Variants in DOCK2 observed in about 807,000 individuals in gnomAD.
DOCK2 encodes dedicator of cytokinesis protein 2.
Under a neutral mutation model 248.9 loss-of-function variants are expected in DOCK2, and 87 were observed. The observed-to-expected ratio is 0.35, with a 90% CI of 0.29 to 0.42. DOCK2 has a LOEUF of 0.42. Ranked by LOEUF, DOCK2 falls within the 10% of genes least tolerant of loss-of-function variation. The probability of loss-of-function intolerance (pLI) is 1.00; values close to 1 mark genes in which losing one functional copy is unlikely to be tolerated. For missense variants in DOCK2, 1,747 were observed against 2,300.2 expected, an observed-to-expected ratio of 0.76 and a Z score of 4.92; for synonymous variants, 805 against 821.6, an observed-to-expected ratio of 0.98 and a Z score of 0.35.
intron 27 of DOCK2, chr5:169,883,291 T>G: frequency 6.4e-7 from 1 of 1,551,632 alleles, no homozygotes; most frequent in Middle Eastern, 1.7e-4. Flanking sequence ...ATCTGGAACC[T>G]GAATGGCAGC....
chr5:169,681,400 A>G (rs1411349514), intron 6 of DOCK2, among the ~76,000 whole-genome samples: 1 of 150,774 alleles, frequency 6.6e-6, no homozygotes, highest in African/African-American at 2.4e-5. Context: ...CTGGGATTAC[A>G]GGCGTGAGTC....
chr5:169,748,780 A>T (rs928313336), intron 23 of DOCK2, among the ~76,000 whole-genome samples: 1 of 152,220 alleles, frequency 6.6e-6, no homozygotes, highest in East Asian at 1.9e-4. Context: ...GATGAGATAG[A>T]GGAGGAAGAG....
At chr5:169,804,437 A>AGTGTGTGTGTGTGT (rs55660700) in intron 26 of DOCK2, among the ~76,000 whole-genome samples, 1 of 134,574 alleles carries the variant, frequency 7.4e-6, no homozygotes, top group Non-Finnish European at 1.6e-5. Context: ...AGAGCTACAA[A>AGTGTGTGTGTGTGT]GTGTGTGTGT....
At chr5:169,954,844 G>T (rs1042881863) in intron 27 of DOCK2, among the ~76,000 whole-genome samples, 1 of 152,240 alleles carries the variant, frequency 6.6e-6, no homozygotes, top group Non-Finnish European at 1.5e-5. Context: ...GGCTGCAAGT[G>T]TGTGTAACCC....
chr5:169,803,217 C>A lies in DOCK2; in HGVS notation c.2703+11C>A, dbSNP rs756123426. 1 of 1,611,300 alleles carries A rather than the reference C, an allele frequency of 6.2e-7. No individual in the cohort carries two copies. Among genetic ancestry groups the A allele is most frequent in the East Asian group, 2.2e-5 (1 of 44,840 alleles). On this transcript the variant is annotated intron_variant, in intron 26 of 51. Transcript: ENST00000520908. ...AGCTACCAGGATGCGGTGAGTCCTC[C>A]TGATGATGTAGATATCCTGGACTCA... is the stretch of plus-strand genomic sequence containing the variant.
At chr5:169,958,803 T>C (rs1581472198) in intron 27 of DOCK2, among the ~76,000 whole-genome samples, 1 of 152,120 alleles carries the variant, frequency 6.6e-6, no homozygotes, top group African/African-American at 2.4e-5. Flanking sequence ...ACCCTCATAA[T>C]TGGTTCAGGG....
intron 27 of DOCK2, among the ~76,000 whole-genome samples, chr5:169,849,594 T>A (rs1459753569): frequency 6.6e-6 from 1 of 152,252 alleles, no homozygotes; most frequent in Admixed American, 6.5e-5. Context: ...GACAATGATA[T>A]GTTTAGGATT....
chr5:169,978,392 T>TG lies in DOCK2; in HGVS notation c.2800-4663dup, dbSNP rs150934804. On this transcript the variant is annotated intron_variant, in intron 27 of 51. Coordinates refer to ENST00000520908, the MANE Select transcript of DOCK2 (RefSeq NM_004946.3). ...CTCTGTGTATGTGTGTGTGTGTGTG[T>TG]GGGGGGGGGGGGGTGTAGGTGTGTT... Among the ~76,000 whole-genome samples the TG allele has an allele frequency of 4.9e-3, 112 of 22,708 alleles. 7 individuals carry two copies. The highest frequency in any genetic ancestry group is 0.01 in the African/African-American group (90 of 8,736). The allele number at this position is 22,708 out of a possible 152,430, so 14.9% of individuals were successfully genotyped here.
At chr5:169,975,213 T>A (rs749044483) in intron 27 of DOCK2, among the ~76,000 whole-genome samples, 27 of 152,214 alleles carry the variant, frequency 1.8e-4, no homozygotes, top group Non-Finnish European at 3.8e-4. Flanking sequence ...ATTTAAAACA[T>A]AATTTGTGCT....
At chr5:169,753,785 G>A (rs1036406171) in intron 23 of DOCK2, among the ~76,000 whole-genome samples, 1 of 152,156 alleles carries the variant, frequency 6.6e-6, no homozygotes, top group Admixed American at 6.5e-5. Flanking sequence ...TTAGTGATGA[G>A]ACTGAATGTC....
chr5:169,928,276 G>T (rs970926405), intron 27 of DOCK2, among the ~76,000 whole-genome samples: 1 of 152,188 alleles, frequency 6.6e-6, no homozygotes, highest in Non-Finnish European at 1.5e-5. Context: ...GATGGCCCTC[G>T]GTGGGCCAGC....
At position 169,821,158 on chromosome 5, in the gene DOCK2, G is replaced by A. The variant is rs113657763; in HGVS notation, c.2703+17952G>A. On this transcript the variant is annotated intron_variant, in intron 26 of 51. Transcript: ENST00000520908. ...CTACGTCTGATTGGTGTACCTGAAA[G>A]TGACGTAGAGAATGAAACCAAGTTG... 5.9e-3 allele frequency among the ~76,000 whole-genome samples: 894 copies of A among 152,326 alleles called. 11 individuals are homozygous for A. The highest frequency in any genetic ancestry group is 0.02 in the African/African-American group (833 of 41,562).
At chr5:169,908,681 A>G (rs143416325) in intron 27 of DOCK2, among the ~76,000 whole-genome samples, 2,212 of 150,210 alleles carry the variant, frequency 0.015, 54 homozygotes, top group African/African-American at 0.051. Flanking sequence ...TTCATTTTAC[A>G]GGTTTCAATG....
rs761389002 is a variant in DOCK2, at chr5:170,069,188, C to T, written c.4696C>T (p.Leu1566=). The change falls in exon 46 of 52, where the codon CTG becomes TTG. Residue 1566 remains leucine, a synonymous_variant. Coordinates refer to ENST00000520908, the MANE Select transcript of DOCK2 (RefSeq NM_004946.3). ...VRDHPEDQDK[L]THLKDLIAWQ... ...GGACCACCCTGAGGACCAGGACAAG[C>T]TGACCCACCTCAAGGACCTGATTGC... The T allele has an allele frequency of 6.2e-7, 1 of 1,614,150 alleles. No individual in the cohort carries two copies.
At chr5:169,723,649 C>T (rs1762319633) in intron 22 of DOCK2, among the ~76,000 whole-genome samples, 1 of 152,156 alleles carries the variant, frequency 6.6e-6, no homozygotes, top group Non-Finnish European at 1.5e-5. Flanking sequence ...AAGACCTTTG[C>T]ACCCTTCCCC....
chr5:169,845,684 C>G (rs1001096032), intron 27 of DOCK2, among the ~76,000 whole-genome samples: 1 of 152,232 alleles, frequency 6.6e-6, no homozygotes, highest in African/African-American at 2.4e-5. Context: ...TTCAGACTTT[C>G]TGGCTCATCC....
At chr5:169,941,356 T>C (rs1776238350) in intron 27 of DOCK2, among the ~76,000 whole-genome samples, 3 of 152,102 alleles carry the variant, frequency 2.0e-5, no homozygotes, top group Admixed American at 1.3e-4. Context: ...TACAGGCCTG[T>C]GCCCCCAGGC....
intron 27 of DOCK2, among the ~76,000 whole-genome samples, chr5:169,972,703 C>G (rs960231676): frequency 2.0e-5 from 3 of 152,102 alleles, no homozygotes; most frequent in Non-Finnish European, 4.4e-5. Flanking sequence ...TGACATAGCT[C>G]CTTACACACA....
intron 9 of DOCK2, among the ~76,000 whole-genome samples, chr5:169,694,391 G>A (rs1288618259): frequency 2.0e-5 from 3 of 152,146 alleles, no homozygotes; most frequent in African/African-American, 4.8e-5. Context: ...TTTTAGATTC[G>A]AGCATGAAGT....
Sources: gnomAD v4.1 joint callset for allele counts (sites outside exome capture counted in the v4.1 genomes callset) on GRCh38, gnomAD v4.1.1 for gene constraint, MANE v1.5 for transcripts, NCBI Gene and HGNC (gene_info 2026-07-23, HGNC 2026-07-21) for gene names.